Variants in TSPEAR observed in about 807,000 individuals in gnomAD.
TSPEAR encodes thrombospondin-type laminin G domain and EAR repeat-containing protein.
In TSPEAR, 69 loss-of-function variants were observed where a neutral mutation model predicts 71.6. The observed-to-expected ratio is 0.96, with a 90% CI of 0.79 to 1.18. TSPEAR has a LOEUF of 1.18. Among genes scored for constraint, TSPEAR ranks in the 50% most tolerant of loss-of-function variants. The pLI is 0.00. For synonymous variants in TSPEAR, 402 were observed against 387.2 expected, an observed-to-expected ratio of 1.04 and a Z score of -0.45; for missense variants, 971 against 894.9, an observed-to-expected ratio of 1.09 and a Z score of -1.09.
At chr21:44,550,949 C>A in intron 2 of TSPEAR, 4 of 1,501,568 alleles carry the variant, frequency 2.7e-6, no homozygotes, top group Non-Finnish European at 3.6e-6. Flanking sequence ...TGCAGCAAGC[C>A]GGCTGGCAGC....
At chr21:44,568,911 A>G (rs782286122) in intron 1 of TSPEAR, among the ~76,000 whole-genome samples, 1 of 152,134 alleles carries the variant, frequency 6.6e-6, no homozygotes, top group Non-Finnish European at 1.5e-5. Flanking sequence ...TCTAGGGTTC[A>G]TCTTCCCCCA....
chr21:44,636,235 G>A (rs900545350), intron 1 of TSPEAR, among the ~76,000 whole-genome samples: 14 of 152,228 alleles, frequency 9.2e-5, no homozygotes, highest in African/African-American at 3.4e-4. Context: ...CAACCCTGCC[G>A]GGTTTCCAGG....
chr21:44,578,259 A>C lies in TSPEAR; in HGVS notation c.83-10254T>G, dbSNP rs142647197. On this transcript the variant is annotated intron_variant, in intron 1 of 11. Transcript: ENST00000323084. ...AGGAAACCAAACAAATAATGCAAAC[A>C]ACTCTATGTCAATACATTCAACAGC... is the stretch of plus-strand genomic sequence containing the variant. 4.5e-3 allele frequency among the ~76,000 whole-genome samples: 690 copies of C among 152,372 alleles called. 3 individuals are homozygous for C. Among genetic ancestry groups the C allele is most frequent in the Non-Finnish European group, 6.8e-3 (460 of 68,036 alleles).
rs139505088 is a variant in TSPEAR, at chr21:44,547,280, C to A, written c.304-13357G>T. ...TGATATTCTCTATTTGGTGAGGCAT[C>A]ATTCTCCTGGTTTATCTTAATTCTT... On this transcript the variant is annotated intron_variant, in intron 2 of 11. Transcript: ENST00000323084. 6.8e-4 allele frequency among the ~76,000 whole-genome samples: 103 copies of A among 152,270 alleles called. 1 individual carries two copies. Among genetic ancestry groups the A allele is most frequent in the African/African-American group, 2.4e-3 (98 of 41,550 alleles).
chr21:44,509,378 A>C lies in TSPEAR; in HGVS notation c.1575T>G (p.Gly525=). 6.2e-7 allele frequency: 1 copy of C among 1,611,544 alleles called. No homozygotes were observed. The highest frequency in any genetic ancestry group is 8.5e-7 in the Non-Finnish European group (1 of 1,178,896). The change falls in exon 10 of 12, where the codon GGT becomes GGG. Residue 525 remains glycine (G), a synonymous_variant. Transcript: ENST00000323084. ...FQLFQSFPTF[G]AADWEVFQIG... ...TCTGGAAGACCTCCCAGTCTGCAGCACCGAACGTCTAGGACCAAAGGAGAG... is the reference window on the plus strand; with the variant it reads ...TCTGGAAGACCTCCCAGTCTGCAGCCCCGAACGTCTAGGACCAAAGGAGAG...
chr21:44,592,632 G>A, intron 1 of TSPEAR: 1 of 1,275,980 alleles, frequency 7.8e-7, no homozygotes, highest in Non-Finnish European at 1.1e-6. Context: ...GATTAGGGGT[G>A]TTTGTTCGCC....
intron 9 of TSPEAR, among the ~76,000 whole-genome samples, chr21:44,511,681 T>C (rs587759733): frequency 6.6e-6 from 1 of 152,260 alleles, no homozygotes; most frequent in Admixed American, 6.5e-5. Context: ...CCTCCAGCCC[T>C]GGGCGTCCTT....
intron 9 of TSPEAR, among the ~76,000 whole-genome samples, chr21:44,511,982 T>G (rs1479332692): frequency 6.6e-6 from 1 of 151,948 alleles, no homozygotes; most frequent in African/African-American, 2.4e-5. Flanking sequence ...TGGGGGACCA[T>G]GGAGGGGCTG....
chr21:44,573,021 A>G (rs587662924), intron 1 of TSPEAR, among the ~76,000 whole-genome samples: 2 of 152,140 alleles, frequency 1.3e-5, no homozygotes, highest in Non-Finnish European at 2.9e-5. Flanking sequence ...GAAGGAACCC[A>G]TGCTGTCCAC....
At chr21:44,534,478 G>C (rs1193160274) in intron 2 of TSPEAR, among the ~76,000 whole-genome samples, 1 of 150,866 alleles carries the variant, frequency 6.6e-6, no homozygotes, top group Non-Finnish European at 1.5e-5. Flanking sequence ...GGTGGGGCTG[G>C]TATGTGACAG....
chr21:44,499,357 T>C lies in TSPEAR; in HGVS notation c.*426A>G, dbSNP rs1295235245. ...GTTCAGATAAAACACAATAAATAGG[T>C]GGCGGCAATGGCGGGACGGCACCAC... On this transcript the variant is annotated 3_prime_UTR_variant, in exon 12 of 12. Transcript: ENST00000323084. 5.7e-6 allele frequency: 1 copy of C among 174,580 alleles called. No homozygotes were observed. Among genetic ancestry groups the C allele is most frequent in the Admixed American group, 5.9e-5 (1 of 16,816 alleles). 10.8% of individuals were successfully genotyped at this position (174,580 alleles called of 1,614,324 possible).
intron 1 of TSPEAR, among the ~76,000 whole-genome samples, chr21:44,569,118 C>T (rs1488264578): frequency 3.3e-5 from 5 of 152,314 alleles, no homozygotes; most frequent in African/African-American, 9.6e-5. Flanking sequence ...TGCACCGCCA[C>T]GTGCATCGCA....
At chr21:44,637,237 T>C in intron 1 of TSPEAR, 3 of 817,346 alleles carry the variant, frequency 3.7e-6, no homozygotes, top group Admixed American at 2.6e-5. Context: ...GCAGAAATAA[T>C]GAGGGTCCTC....
intron 1 of TSPEAR, among the ~76,000 whole-genome samples, chr21:44,608,068 T>C (rs1027904798): frequency 1.3e-5 from 2 of 152,128 alleles, no homozygotes; most frequent in Non-Finnish European, 2.9e-5. Flanking sequence ...GGGGTGGGGA[T>C]TGATCATGAA....
At chr21:44,669,324 G>A (rs1985943862) in intron 1 of TSPEAR, among the ~76,000 whole-genome samples, 1 of 152,212 alleles carries the variant, frequency 6.6e-6, no homozygotes, top group African/African-American at 2.4e-5. Context: ...TTGGGAGGCT[G>A]AGGCAGGAGA....
chr21:44,553,280 G>A (rs1601407625), intron 2 of TSPEAR, among the ~76,000 whole-genome samples: 1 of 152,324 alleles, frequency 6.6e-6, no homozygotes, highest in East Asian at 1.9e-4. Context: ...GACAGAACCA[G>A]GACTAGAAGC....
chr21:44,629,275 G>A (rs758626927), intron 1 of TSPEAR, among the ~76,000 whole-genome samples: 25 of 152,206 alleles, frequency 1.6e-4, no homozygotes, highest in Non-Finnish European at 3.2e-4. Flanking sequence ...AGGCTGCTGT[G>A]ACAAAGTCCA....
At chr21:44,527,268 G>A (rs368420769) in intron 7 of TSPEAR, 24 bp downstream of exon 7, 31 of 1,612,866 alleles carry the variant, frequency 1.9e-5, no homozygotes, top group East Asian at 1.6e-4. Flanking sequence ...AGGGGATGGA[G>A]AAAGTCACCG....
At chr21:44,680,822 G>A (rs1467641393) in intron 1 of TSPEAR, among the ~76,000 whole-genome samples, 1 of 152,200 alleles carries the variant, frequency 6.6e-6, no homozygotes, top group African/African-American at 2.4e-5. Flanking sequence ...TTGATCTCAT[G>A]GAAGTAGAGA....
Sources: allele counts gnomAD v4.1 joint callset (sites outside exome capture counted in the v4.1 genomes callset), GRCh38; gene constraint gnomAD v4.1.1; transcripts MANE v1.5; gene names NCBI Gene and HGNC (gene_info 2026-07-23, HGNC 2026-07-21).